The following UBE3B variants were observed in gnomAD, a reference collection of about 807,000 sequenced individuals.
UBE3B encodes ubiquitin-protein ligase E3B.
A neutral mutation model predicts 132.3 loss-of-function variants in UBE3B; 80 were observed. The observed-to-expected ratio is 0.60, with a 90% CI of 0.50 to 0.73. The LOEUF is 0.73. Among genes scored for constraint, UBE3B ranks in the 30% least tolerant of loss-of-function variants. The pLI, the probability that UBE3B is intolerant of heterozygous loss-of-function variation, is 0.00. For missense variants in UBE3B, 1,196 were observed against 1,362.5 expected, an observed-to-expected ratio of 0.88 and a Z score of 1.92; for synonymous variants, 487 against 520.4, an observed-to-expected ratio of 0.94 and a Z score of 0.87.
the UBE3B span, among the ~76,000 whole-genome samples, chr12:109,546,812 T>C: frequency 6.6e-6 from 1 of 152,154 alleles, no homozygotes; most frequent in African/African-American, 2.4e-5. Flanking sequence ...TGGGCTCAGG[T>C]GATCCTCCCA....
chr12:109,540,751 A>G (rs1323057370), downstream of UBE3B, among the ~76,000 whole-genome samples: 1 of 152,228 alleles, frequency 6.6e-6, no homozygotes, highest in Non-Finnish European at 1.5e-5. Flanking sequence ...CCTCACACAG[A>G]GTCCTAAACT....
At position 109,483,278 on chromosome 12, in the gene UBE3B, C is replaced by G. The variant is rs143394928; in HGVS notation, c.-21-253C>G. ...GCCTGCCCTTATCCTATGCCAGGTG[C>G]TGTGCTCTTTCCCTTAAGAAGATGT... On this transcript the variant is annotated intron_variant, in intron 2 of 27. Transcript: ENST00000342494. Among the ~76,000 whole-genome samples the G allele has an allele frequency of 2.9e-3, 447 of 152,148 alleles. 10 individuals are homozygous for G. The highest frequency in any genetic ancestry group is 0.01 in the African/African-American group (427 of 41,472).
At position 109,534,680 on chromosome 12, in the gene UBE3B, C is replaced by T. The variant is rs1462258180; in HGVS notation, c.3105C>T (p.Thr1035=). 1 of 1,610,004 alleles carries T rather than the reference C, an allele frequency of 6.2e-7. No individual in the cohort carries two copies. Among genetic ancestry groups the T allele is most frequent in the Non-Finnish European group, 8.5e-7 (1 of 1,178,456 alleles). The change falls in exon 28 of 28, where the codon ACC becomes ACT. Residue 1035 remains threonine, a synonymous_variant. Transcript: ENST00000342494. The surrounding 1 kb of genome is among the most constrained non-coding windows in gnomAD (Gnocchi z 5.2). The part of the protein sequence containing the change: ...EPGGRLPTSS[T]CFNLLKLPNY... ...GCGGCCGCCTGCCCACCTCCTCCAC[C>T]TGCTTCAACCTGCTCAAGCTGCCCA...
At chr12:109,501,817 G>C (rs913210035) in intron 13 of UBE3B, among the ~76,000 whole-genome samples, 1 of 151,812 alleles carries the variant, frequency 6.6e-6, no homozygotes, top group African/African-American at 2.4e-5. Context: ...GCCATGCCTG[G>C]CTAATTTTTT....
chr12:109,539,436 G>A (rs1883560429), downstream of UBE3B, among the ~76,000 whole-genome samples: 1 of 152,212 alleles, frequency 6.6e-6, no homozygotes, highest in Non-Finnish European at 1.5e-5. Context: ...GAGAGCAAGA[G>A]CCTCAGAGCA....
chr12:109,527,581 C>A (rs1882488757), intron 24 of UBE3B, among the ~76,000 whole-genome samples: 1 of 152,180 alleles, frequency 6.6e-6, no homozygotes, highest in Non-Finnish European at 1.5e-5. Flanking sequence ...TTTAGACTGT[C>A]AGAAACGTCA....
intron 14 of UBE3B, among the ~76,000 whole-genome samples, chr12:109,503,714 G>A (rs1180680559): frequency 1.3e-5 from 2 of 152,082 alleles, no homozygotes; most frequent in African/African-American, 4.8e-5. Flanking sequence ...TTCCTTTTTA[G>A]CTTAACATGG....
At chr12:109,481,224 G>A (rs1875359061) in intron 1 of UBE3B, among the ~76,000 whole-genome samples, 1 of 151,884 alleles carries the variant, frequency 6.6e-6, no homozygotes, top group Admixed American at 6.6e-5. Flanking sequence ...GGCTGAAGCA[G>A]GAGAATCGCT....
rs904480115 is a variant in UBE3B, at chr12:109,516,790, T to C, written c.1982T>C (p.Val661Ala). 6.2e-6 allele frequency: 10 copies of C among 1,613,918 alleles called. No homozygotes were observed. In the African/African-American group the frequency reaches 1.3e-4, roughly 22 times the overall value. ...KNRVLLFRTM[V>A]TKEKEKLGLV... ...AGAGTTCTACTGTTTCGAACCATGGTTACCAAGGAGAAGGAGAAACTGGGG... is the reference window on the plus strand; with the variant it reads ...AGAGTTCTACTGTTTCGAACCATGGCTACCAAGGAGAAGGAGAAACTGGGG... The change falls in exon 19 of 28, where the codon GTT becomes GCT. Residue 661 changes from valine (V) to alanine (A), a missense_variant. Coordinates refer to ENST00000342494, the MANE Select transcript of UBE3B (RefSeq NM_130466.4).
intron 13 of UBE3B, 121 bp downstream of exon 13, chr12:109,501,655 T>C (rs1879010980): frequency 4.0e-6 from 5 of 1,239,120 alleles, no homozygotes; most frequent in African/African-American, 1.5e-5. Context: ...TTTGTTGTTA[T>C]CGTTCTTGTT....
chr12:109,527,137 C>T (rs938689584), intron 24 of UBE3B, among the ~76,000 whole-genome samples: 1 of 152,044 alleles, frequency 6.6e-6, no homozygotes, highest in Non-Finnish European at 1.5e-5. Context: ...GAGAAGACAC[C>T]GTGATGAATT....
At chr12:109,500,624 G>A (rs1878859370) in intron 12 of UBE3B, among the ~76,000 whole-genome samples, 1 of 152,200 alleles carries the variant, frequency 6.6e-6, no homozygotes, top group African/African-American at 2.4e-5. Context: ...AGGAGGCTGT[G>A]GGAGGTAAGT....
chr12:109,521,446 C>T lies in UBE3B; in HGVS notation c.2259C>T (p.Thr753=), dbSNP rs377553465. The T allele has an allele frequency of 1.6e-5, 25 of 1,581,106 alleles. No homozygotes were observed. The highest frequency in any genetic ancestry group is 1.9e-5 in the Non-Finnish European group (22 of 1,157,832). ...CCCGTCTTTTTGCCTTGCAGACAAC[C>T]AGTGGGGATGAGAGGCTGTACCCCT... ...FDPALNLFKT[T]SGDERLYPSP... The change falls in exon 21 of 28, where the codon ACC becomes ACT. Residue 753 remains threonine, a synonymous_variant. Transcript: ENST00000342494. The surrounding 1 kb of genome is among the most constrained non-coding windows in gnomAD (Gnocchi z 4.2).
intron 24 of UBE3B, among the ~76,000 whole-genome samples, chr12:109,527,567 T>C (rs1882487483): frequency 1.3e-5 from 2 of 152,210 alleles, no homozygotes; most frequent in African/African-American, 4.8e-5. Flanking sequence ...TTGGGACTTT[T>C]TTATTTAGAC....
At chr12:109,498,588 C>G (rs147749542) in intron 11 of UBE3B, among the ~76,000 whole-genome samples, 1 of 152,266 alleles carries the variant, frequency 6.6e-6, no homozygotes, top group Non-Finnish European at 1.5e-5. Flanking sequence ...AGATGTCAGC[C>G]TTTAGCTTCC....
chr12:109,516,866 C>T lies in UBE3B; in HGVS notation c.2058C>T (p.Arg686=), dbSNP rs575535776. The change falls in exon 19 of 28, where the codon CGC becomes CGT. Residue 686 remains arginine, a synonymous_variant. Transcript: ENST00000342494. The part of the protein sequence containing the change: ...ASPHVTHITI[R]RSRMLEDGYE... ...CGCATGTCACTCACATCACCATCCG[C>T]CGGTCCAGGATGCTGGAGGTGAGTG... 6 of 1,614,026 alleles carry T rather than the reference C, an allele frequency of 3.7e-6. No individual in the cohort carries two copies. In the South Asian group the frequency reaches 5.5e-5, roughly 15 times the overall value.
At chr12:109,501,850 AT>A (rs1294492875) in intron 13 of UBE3B, among the ~76,000 whole-genome samples, 5 of 148,876 alleles carry the variant, frequency 3.4e-5, no homozygotes, top group Admixed American at 6.7e-5. Flanking sequence ...TTTTGTAGAG[AT>A]GGGGGCCTTA....
At chr12:109,513,208 G>A (rs1012499487) in intron 18 of UBE3B, among the ~76,000 whole-genome samples, 2 of 152,104 alleles carry the variant, frequency 1.3e-5, no homozygotes, top group Non-Finnish European at 2.9e-5. Flanking sequence ...GGACCCGCGT[G>A]TCTGTGAAAT....
downstream of UBE3B, among the ~76,000 whole-genome samples, chr12:109,539,654 A>G (rs1425182432): frequency 1.3e-5 from 2 of 152,204 alleles, no homozygotes; most frequent in Admixed American, 1.3e-4. Context: ...CATGGCTGTG[A>G]TAACTGTCAT....
Sources: gnomAD v4.1 joint callset for allele counts (sites outside exome capture counted in the v4.1 genomes callset) on GRCh38, gnomAD v4.1.1 for gene constraint, Gnocchi (gnomAD v3.1) non-coding constraint, MANE v1.5 for transcripts, NCBI Gene and HGNC (gene_info 2026-07-23, HGNC 2026-07-21) for gene names.